Variants in PAN3 observed in about 807,000 individuals in gnomAD.
The protein encoded by PAN3 is PAN2-PAN3 deadenylation complex subunit PAN3.
PAN3 carries 19 observed loss-of-function variants against 96.2 expected under a neutral mutation model. The observed-to-expected ratio is 0.20, with a 90% CI of 0.14 to 0.29. The LOEUF (loss-of-function observed/expected upper bound fraction) is 0.29, where lower values mean the gene tolerates loss of function less well. Among genes scored for constraint, PAN3 ranks in the 10% least tolerant of loss-of-function variants. The pLI is 1.00. For missense variants in PAN3, 882 were observed against 1,108.1 expected, an observed-to-expected ratio of 0.80 and a Z score of 2.90; for synonymous variants, 433 against 406.6, an observed-to-expected ratio of 1.06 and a Z score of -0.78.
chr13:28,270,794 G>A lies in PAN3; in HGVS notation c.1886G>A (p.Arg629His). The A allele has an allele frequency of 2.5e-6, 4 of 1,613,878 alleles. No individual in the cohort carries two copies. The highest frequency in any genetic ancestry group is 2.5e-6 in the Non-Finnish European group (3 of 1,179,826). Residue 629 changes from arginine to histidine, a missense_variant, in exon 13 of 19, where the codon CGT becomes CAT. Arg to His is a conservative substitution (Grantham distance 29, BLOSUM62 0). Coordinates refer to ENST00000380958, the MANE Select transcript of PAN3 (RefSeq NM_175854.8). ...AYIVQLSSAL[R>H]TIHTAGLACR... is the part of the protein sequence containing the mutation. Reference sequence around the variant, plus strand: ...ATTGTCCAACTAAGTTCTGCATTGCGTACCATTCATACAGCAGGTTTGGCA... The same window carrying A: ...ATTGTCCAACTAAGTTCTGCATTGCATACCATTCATACAGCAGGTTTGGCA...
intron 4 of PAN3, among the ~76,000 whole-genome samples, chr13:28,183,547 T>A (rs1387486845): frequency 6.6e-6 from 1 of 152,198 alleles, no homozygotes; most frequent in Non-Finnish European, 1.5e-5. Context: ...CTGACACAGT[T>A]ATTGGAGTCC....
At chr13:28,245,076 T>A (rs769560919) in intron 6 of PAN3, among the ~76,000 whole-genome samples, 2 of 152,200 alleles carry the variant, frequency 1.3e-5, no homozygotes, top group Non-Finnish European at 1.5e-5. Flanking sequence ...CTTGAACTCC[T>A]GACCTCATGA....
chr13:28,255,257 A>G (rs181614646), intron 6 of PAN3, among the ~76,000 whole-genome samples: 1 of 152,282 alleles, frequency 6.6e-6, no homozygotes, highest in East Asian at 1.9e-4. Flanking sequence ...CAGGAAGGGT[A>G]ACTGTTGCTC....
intron 4 of PAN3, among the ~76,000 whole-genome samples, chr13:28,183,520 A>G (rs949606460): frequency 1.3e-5 from 2 of 152,340 alleles, no homozygotes; most frequent in Middle Eastern, 3.4e-3. Flanking sequence ...GCTTAGAGAT[A>G]TGTTTTCCTT....
intron 6 of PAN3, among the ~76,000 whole-genome samples, chr13:28,242,628 G>A (rs1347717036): frequency 6.6e-6 from 1 of 152,192 alleles, no homozygotes; most frequent in Admixed American, 6.5e-5. Flanking sequence ...GAGGTTTAGA[G>A]TATTTGGTGT....
rs139917965 is a variant in PAN3, at chr13:28,243,788, C to T, written c.1001-12504C>T. On this transcript the variant is annotated intron_variant, in intron 6 of 18. Coordinates refer to ENST00000380958, the MANE Select transcript of PAN3 (RefSeq NM_175854.8). ...CCTGTGAAGCCCGCCTCCCAGATTA[C>T]AGTGATTCTCCTGCCTCAGCCTCCT... Among the ~76,000 whole-genome samples, 205 of 152,194 alleles carry T rather than the reference C, an allele frequency of 1.3e-3. 3 individuals are homozygous for T. In the Middle Eastern group the frequency reaches 0.02, roughly 15 times the overall value.
chr13:28,291,836 T>C (rs1454761160), intron 18 of PAN3, among the ~76,000 whole-genome samples: 1 of 152,032 alleles, frequency 6.6e-6, no homozygotes, highest in African/African-American at 2.4e-5. Context: ...TCCCCAAAAA[T>C]TAAATAAATA....
intron 14 of PAN3, 88 bp downstream of exon 14, chr13:28,272,159 C>G: frequency 2.1e-6 from 2 of 950,072 alleles, no homozygotes; most frequent in Non-Finnish European, 1.5e-6. Flanking sequence ...TGTTTTAAGC[C>G]TAGATTTTAA....
chr13:28,141,032 G>T (rs1265836962), intron 1 of PAN3, among the ~76,000 whole-genome samples: 5 of 129,616 alleles, frequency 3.9e-5, no homozygotes, highest in African/African-American at 1.6e-4. Context: ...TGAGACGGAG[G>T]CTTGCTTGTC....
chr13:28,283,610 A>ATAT (rs1868568668), intron 17 of PAN3, among the ~76,000 whole-genome samples: 2 of 152,234 alleles, frequency 1.3e-5, no homozygotes, highest in African/African-American at 4.8e-5. Context: ...ATTTTATCAT[A>ATAT]ACAGCGTGTT....
intron 5 of PAN3, among the ~76,000 whole-genome samples, chr13:28,199,422 T>C (rs1414303607): frequency 2.0e-5 from 3 of 152,194 alleles, no homozygotes; most frequent in Non-Finnish European, 2.9e-5. Context: ...GTGTGAAATA[T>C]TGAATTGGTG....
chr13:28,291,982 C>T (rs1404321352), intron 18 of PAN3, among the ~76,000 whole-genome samples: 1 of 151,776 alleles, frequency 6.6e-6, no homozygotes, highest in East Asian at 1.9e-4. Flanking sequence ...TAATACTTTA[C>T]ATTTTATTAT....
chr13:28,199,065 A>G (rs1162323754), intron 5 of PAN3, among the ~76,000 whole-genome samples: 1 of 152,228 alleles, frequency 6.6e-6, no homozygotes, highest in African/African-American at 2.4e-5. Flanking sequence ...TATGAATAAC[A>G]GTATAGTTTT....
At chr13:28,248,436 G>T (rs1884412945) in intron 6 of PAN3, among the ~76,000 whole-genome samples, 1 of 152,110 alleles carries the variant, frequency 6.6e-6, no homozygotes, top group Non-Finnish European at 1.5e-5. Context: ...CCTAATTGCT[G>T]GGGCTAGGAC....
chr13:28,281,553 T>G (rs1293100133), intron 17 of PAN3, among the ~76,000 whole-genome samples, 174 bp downstream of exon 17: 1 of 152,186 alleles, frequency 6.6e-6, no homozygotes, highest in Admixed American at 6.5e-5. Flanking sequence ...GGTGTGGCTG[T>G]CCTTACGAAT....
intron 4 of PAN3, among the ~76,000 whole-genome samples, chr13:28,185,080 G>A (rs887067931): frequency 3.9e-5 from 6 of 151,982 alleles, no homozygotes; most frequent in Non-Finnish European, 5.9e-5. Flanking sequence ...ATAAAGGGCC[G>A]TCCTTGTTTT....
Position 28,271,999 on chromosome 13 carries a change from T to C in PAN3, c.1977T>C (p.Val659=). ...CTTAAAGGTTGCGAGTAAATTGTGT[T>C]GGAGTTTTTGATGTTTTAACATTTG... is the stretch of plus-strand genomic sequence containing the variant. ...TGKTRLRVNC[V]GVFDVLTFDN... Residue 659 remains valine (V), a synonymous_variant, in exon 14 of 19, where the codon GTT becomes GTC. Transcript: ENST00000380958. 6.3e-7 allele frequency: 1 copy of C among 1,585,766 alleles called. No individual in the cohort carries two copies. The highest frequency in any genetic ancestry group is 8.6e-7 in the Non-Finnish European group (1 of 1,161,490).
intron 14 of PAN3, among the ~76,000 whole-genome samples, 186 bp from the exon 15 acceptor site, chr13:28,277,051 C>T (rs1273195282): frequency 6.6e-6 from 1 of 152,096 alleles, no homozygotes; most frequent in African/African-American, 2.4e-5. Context: ...ATGAGAATCT[C>T]TGGTAGAGAG....
chr13:28,235,696 T>TACACACACACAC lies in PAN3; in HGVS notation c.1000+15334_1000+15345dup, dbSNP rs34812975. ...TTTCTCTAATATACACACACACACA[T>TACACACACACAC]ACACACACACACACACACACACACA... is the stretch of plus-strand genomic sequence containing the variant. On this transcript the variant is annotated intron_variant, in intron 6 of 18. Transcript: ENST00000380958. Among the ~76,000 whole-genome samples the TACACACACACAC allele has an allele frequency of 7.9e-3, 1,106 of 140,670 alleles. 14 individuals are homozygous for TACACACACACAC. The highest frequency in any genetic ancestry group is 0.028 in the African/African-American group (1,037 of 36,604). 92.3% of individuals were successfully genotyped at this position (140,670 alleles called of 152,430 possible).
Sources: allele counts gnomAD v4.1 joint callset (sites outside exome capture counted in the v4.1 genomes callset), GRCh38; gene constraint gnomAD v4.1.1; transcripts MANE v1.5; gene names NCBI Gene and HGNC (gene_info 2026-07-23, HGNC 2026-07-21).